UBAP2: variants seen among roughly 807,000 people sequenced by gnomAD.
The protein encoded by UBAP2 is ubiquitin associated protein 2, also known as ubiquitin-associated protein 2.
UBAP2 carries 75 observed loss-of-function variants against 139.6 expected under a neutral mutation model. The ratio of observed to expected loss-of-function variants is 0.54; its 90% confidence interval spans 0.45 to 0.65. UBAP2 has a LOEUF of 0.65. UBAP2 is among the 30% of genes least tolerant of loss of function. The pLI, the probability that UBAP2 is intolerant of heterozygous loss-of-function variation, is 0.00. For missense variants in UBAP2, 1,368 were observed against 1,369.6 expected (o/e 1.00, Z 0.02); for synonymous variants, 526 against 526.2 (o/e 1.00, Z 0.01).
intron 6 of UBAP2, among the ~76,000 whole-genome samples, chr9:33,981,776 A>T (rs537763477): frequency 1.8e-3 from 241 of 137,032 alleles, no homozygotes; most frequent in South Asian, 8.2e-3. Context: ...GGTAGGTAGG[A>T]AGGTAGGAAG....
At chr9:33,957,359 A>G (rs1031407143) in intron 10 of UBAP2, among the ~76,000 whole-genome samples, 1 of 152,190 alleles carries the variant, frequency 6.6e-6, no homozygotes, top group Non-Finnish European at 1.5e-5. Context: ...GACGGTGAAC[A>G]TATTCTTTAC....
intron 13 of UBAP2, among the ~76,000 whole-genome samples, chr9:33,945,490 T>TGACA (rs1825589413): frequency 9.9e-6 from 1 of 100,810 alleles, no homozygotes; most frequent in African/African-American, 3.6e-5. Flanking sequence ...ACAGACTGGG[T>TGACA]GACAAACAAA....
chr9:34,003,375 C>CTTTT (rs34673994), intron 2 of UBAP2, among the ~76,000 whole-genome samples: 2 of 138,220 alleles, frequency 1.4e-5, no homozygotes, highest in Non-Finnish European at 1.5e-5. Flanking sequence ...TCAAAGATGG[C>CTTTT]TTTTTTTTTT....
chr9:34,001,145 C>T (rs1312828920), intron 2 of UBAP2, among the ~76,000 whole-genome samples: 2 of 152,132 alleles, frequency 1.3e-5, no homozygotes, highest in Non-Finnish European at 2.9e-5. Context: ...GGCATTTCCA[C>T]ATTATACATT....
rs1439361623 is a variant in UBAP2 at position 33,922,602 on chromosome 9, G to A, written c.3265-3C>T. ...TGGCTGCGCTGACCCGAGCCACTCT[G>A]AGGAAGAGGAGAAGGGAAGGCTGTC... On this transcript the variant is annotated splice_polypyrimidine_tract_variant and splice_region_variant and intron_variant, in intron 28 of 28. Coordinates refer to ENST00000379238, the MANE Select transcript of UBAP2 (RefSeq NM_001370062.2). 6.2e-7 allele frequency: 1 copy of A among 1,612,622 alleles called. No homozygotes were observed. Among genetic ancestry groups the A allele is most frequent in the Admixed American group, 1.7e-5 (1 of 59,784 alleles).
intron 1 of UBAP2, among the ~76,000 whole-genome samples, chr9:34,035,211 C>T (rs2131344396): frequency 6.6e-6 from 1 of 151,974 alleles, no homozygotes; most frequent in African/African-American, 2.4e-5. Context: ...TCATTCAAAA[C>T]ATTTCATACG....
intron 1 of UBAP2, among the ~76,000 whole-genome samples, chr9:34,045,469 G>T (rs1299467205): frequency 1.3e-5 from 2 of 152,158 alleles, no homozygotes; most frequent in East Asian, 3.9e-4. Context: ...CACCTCCCAG[G>T]TTCAAGCAAT....
At chr9:33,932,027 A>G (rs1474956538) in intron 19 of UBAP2, among the ~76,000 whole-genome samples, 1 of 151,926 alleles carries the variant, frequency 6.6e-6, no homozygotes, top group Non-Finnish European at 1.5e-5. Context: ...GCTGACTCCT[A>G]CCACTGAAAG....
In UBAP2 at chr9:33,923,263, G is replaced by A; in HGVS notation, c.2927C>T (p.Ala976Val). ...GYDDLTQGTAAGDYSKGGYAG... is the reference protein window; with the variant it reads ...GYDDLTQGTAVGDYSKGGYAG... ...ATAGCCACCTTTGGAGTAGTCTCCTGCTGCTGTCCCCTGGGTCAGGTCGTC... is the reference window on the plus strand; with the variant it reads ...ATAGCCACCTTTGGAGTAGTCTCCTACTGCTGTCCCCTGGGTCAGGTCGTC... The change falls in exon 26 of 29, where the codon GCA becomes GTA. Residue 976 changes from alanine (A) to valine (V), a missense_variant. Ala to Val is a moderately conservative substitution (Grantham distance 64). Coordinates refer to ENST00000379238, the MANE Select transcript of UBAP2 (RefSeq NM_001370062.2). 6.2e-7 allele frequency: 1 copy of A among 1,614,196 alleles called. No homozygotes were observed. The highest frequency in any genetic ancestry group is 8.5e-7 in the Non-Finnish European group (1 of 1,180,016).
rs1587496478 is a variant in UBAP2 at position 33,923,476 on chromosome 9, G to A, written c.2799C>T (p.Val933=). The change falls in exon 25 of 29, where the codon GTC becomes GTT. Residue 933 remains valine (V), a splice_region_variant and synonymous_variant. Coordinates refer to ENST00000379238, the MANE Select transcript of UBAP2 (RefSeq NM_001370062.2). The stretch of plus-strand genomic sequence containing the variant: ...CATGTTGCTTGGCTGAGGCTGGAGG[G>A]ACCTGGGGGGGCAAGCAGATGAGGT... ...SAFQYGPTMF[V]PPASAKQHGV... 7 of 1,613,976 alleles carry A rather than the reference G, an allele frequency of 4.3e-6. No individual in the cohort carries two copies. Among genetic ancestry groups the A allele is most frequent in the Non-Finnish European group, 4.2e-6 (5 of 1,179,982 alleles).
intron 2 of UBAP2, chr9:34,011,630 GC>G (rs752378282): frequency 2.7e-4 from 267 of 987,212 alleles, no homozygotes; most frequent in Non-Finnish European, 3.1e-4. Flanking sequence ...AAGTTACCAG[GC>G]TGAGCTCTAG....
rs761862167 is a variant in UBAP2, at chr9:33,948,389, C to A, written c.1255G>T (p.Val419Phe). The A allele has an allele frequency of 6.2e-7, 1 of 1,611,562 alleles. No individual in the cohort carries two copies. Among genetic ancestry groups the A allele is most frequent in the Non-Finnish European group, 8.5e-7 (1 of 1,178,166 alleles). ...DLKPPTSQSSVLSHLDFKSQP... is the reference protein window; with the variant it reads ...DLKPPTSQSSFLSHLDFKSQP... ...GTATACCTACCAAGATGACTGAGGA[C>A]TGAGGACTGGGATGTTGGGGGCTTG... Residue 419 changes from valine to phenylalanine, a missense_variant, in exon 13 of 29, where the codon GTC (valine) becomes TTC (phenylalanine). Physicochemically the swap from Val to Phe is conservative, Grantham distance 50. Transcript: ENST00000379238.
chr9:34,003,855 G>A (rs1443229529), intron 2 of UBAP2, among the ~76,000 whole-genome samples: 1 of 152,090 alleles, frequency 6.6e-6, no homozygotes, highest in Non-Finnish European at 1.5e-5. Context: ...GAGTAGCTGG[G>A]ATTACAGGCA....
At chr9:33,970,663 C>G (rs1176412869) in intron 8 of UBAP2, among the ~76,000 whole-genome samples, 2 of 152,092 alleles carry the variant, frequency 1.3e-5, no homozygotes, top group East Asian at 3.9e-4. Flanking sequence ...CAAACTCTGG[C>G]TCAAGTGATC....
At chr9:33,930,615 T>C (rs971500601) in intron 19 of UBAP2, among the ~76,000 whole-genome samples, 4 of 152,052 alleles carry the variant, frequency 2.6e-5, no homozygotes, top group Admixed American at 6.6e-5. Context: ...GGGCAGATGA[T>C]GGCCGGGCGC....
intron 8 of UBAP2, among the ~76,000 whole-genome samples, chr9:33,969,803 T>C (rs904854489): frequency 2.0e-5 from 3 of 149,512 alleles, no homozygotes; most frequent in African/African-American, 7.4e-5. Context: ...GAGGTGGAGG[T>C]TGCAGTGAGC....
At chr9:34,046,455 A>C (rs1449189228) in intron 1 of UBAP2, among the ~76,000 whole-genome samples, 1 of 151,998 alleles carries the variant, frequency 6.6e-6, no homozygotes, top group African/African-American at 2.4e-5. Flanking sequence ...CATCCCGGCT[A>C]ACACAGTGAA....
intron 18 of UBAP2, among the ~76,000 whole-genome samples, chr9:33,933,177 C>A (rs563737965): frequency 6.6e-6 from 1 of 152,268 alleles, no homozygotes; most frequent in South Asian, 2.1e-4. Flanking sequence ...ATGGGCCCAG[C>A]GATGCCCAGA....
chr9:33,948,832 G>A (rs1199817509), intron 12 of UBAP2: 10 of 423,116 alleles, frequency 2.4e-5, no homozygotes, highest in Non-Finnish European at 8.5e-6. Context: ...TATTTGCCAT[G>A]AATTTGAAGA....
Sources: allele counts gnomAD v4.1 joint callset (sites outside exome capture counted in the v4.1 genomes callset), GRCh38; gene constraint gnomAD v4.1.1; transcripts MANE v1.5; gene names NCBI Gene and HGNC (gene_info 2026-07-23, HGNC 2026-07-21).